Variants in TASP1 observed in about 807,000 individuals in gnomAD.
TASP1 encodes taspase 1, also known as threonine aspartase 1.
In TASP1, 16 loss-of-function variants were observed where a neutral mutation model predicts 56.6. That is an observed-to-expected ratio of 0.28 (90% CI 0.19 to 0.43). The LOEUF (loss-of-function observed/expected upper bound fraction) is 0.43. TASP1 is among the 20% of genes least tolerant of loss of function. TASP1 has a pLI of 1.00. For synonymous variants in TASP1, 179 were observed against 184.2 expected (o/e 0.97, Z 0.23); for missense variants, 393 against 511.6 (o/e 0.77, Z 2.24).
the TASP1 span, among the ~76,000 whole-genome samples, chr20:13,302,025 A>T: frequency 1.4e-4 from 21 of 152,334 alleles, no homozygotes; most frequent in African/African-American, 5.0e-4. Flanking sequence ...GCAAAGAAAT[A>T]GGTAAGTACT....
intron 1 of TASP1, among the ~76,000 whole-genome samples, chr20:13,635,690 C>G (rs1021845267): frequency 6.6e-6 from 1 of 152,002 alleles, no homozygotes; most frequent in African/African-American, 2.4e-5. Context: ...TCCCGGCCAA[C>G]CTTCAGCAAC....
chr20:13,619,510 T>C (rs2048638107), intron 4 of TASP1, among the ~76,000 whole-genome samples: 3 of 152,196 alleles, frequency 2.0e-5, no homozygotes, highest in Admixed American at 2.0e-4. Flanking sequence ...CTTTCTACTT[T>C]AGAAACAATC....
chr20:13,329,506 G>A, the TASP1 span, among the ~76,000 whole-genome samples: 1 of 152,104 alleles, frequency 6.6e-6, no homozygotes, highest in Admixed American at 6.5e-5. Context: ...TCAGTCTGTG[G>A]CACTTTGTTA....
chr20:13,326,849 C>G, the TASP1 span, among the ~76,000 whole-genome samples: 6 of 152,122 alleles, frequency 3.9e-5, no homozygotes, highest in African/African-American at 1.4e-4. Context: ...AACCCACAGC[C>G]AATATCATAC....
At chr20:13,230,070 T>A in the TASP1 span, among the ~76,000 whole-genome samples, 1 of 152,212 alleles carries the variant, frequency 6.6e-6, no homozygotes, top group Non-Finnish European at 1.5e-5. Flanking sequence ...CTACTCATAG[T>A]TTAAAAGGCA....
At chr20:13,551,278 A>T (rs2045974244) in intron 8 of TASP1, among the ~76,000 whole-genome samples, 1 of 152,202 alleles carries the variant, frequency 6.6e-6, no homozygotes, top group Non-Finnish European at 1.5e-5. Context: ...ATGTCTGATT[A>T]ACTTTCATTT....
At chr20:13,473,934 T>G (rs370304205) in intron 11 of TASP1, among the ~76,000 whole-genome samples, 4 of 152,092 alleles carry the variant, frequency 2.6e-5, no homozygotes, top group African/African-American at 9.6e-5. Context: ...TTTAGCTGGA[T>G]GTGGTGGTAA....
intron 12 of TASP1, among the ~76,000 whole-genome samples, chr20:13,417,894 A>C (rs952936716): frequency 6.6e-6 from 1 of 152,190 alleles, no homozygotes; most frequent in African/African-American, 2.4e-5. Context: ...ACACACACAC[A>C]TACACACACA....
the TASP1 span, among the ~76,000 whole-genome samples, chr20:13,279,189 C>A: frequency 0.21 from 32,618 of 152,010 alleles, 3,608 homozygotes; most frequent in African/African-American, 0.27. Context: ...AGTTTGTGTT[C>A]ATAAATGTTA....
intron 10 of TASP1, among the ~76,000 whole-genome samples, chr20:13,523,335 T>C (rs1159698223): frequency 6.6e-6 from 1 of 152,120 alleles, no homozygotes; most frequent in Admixed American, 6.5e-5. Context: ...GCCTTCCACA[T>C]ACCCTTAAAG....
At chr20:13,318,158 A>AATAAATAAATAAATAAATAAATAC in the TASP1 span, among the ~76,000 whole-genome samples, 3 of 151,818 alleles carry the variant, frequency 2.0e-5, no homozygotes, top group South Asian at 6.2e-4. Context: ...TAAATAAATA[A>AATAAATAAATAAATAAATAAATAC]ATAAAAATGA....
intron 11 of TASP1, among the ~76,000 whole-genome samples, chr20:13,437,109 A>G (rs2043032078): frequency 6.6e-6 from 1 of 152,162 alleles, no homozygotes; most frequent in South Asian, 2.1e-4. Flanking sequence ...AAAATCCTCA[A>G]TAAAATACTG....
the TASP1 span, among the ~76,000 whole-genome samples, chr20:13,105,345 C>T: frequency 6.6e-6 from 1 of 152,102 alleles, no homozygotes; most frequent in Non-Finnish European, 1.5e-5. Context: ...TGAACTCCAC[C>T]AAAAGCCACT....
intron 9 of TASP1, among the ~76,000 whole-genome samples, chr20:13,532,552 G>A (rs1466794529): frequency 6.6e-6 from 1 of 152,162 alleles, no homozygotes; most frequent in Non-Finnish European, 1.5e-5. Flanking sequence ...CTCAGAAGCT[G>A]TGTATTCACA....
At chr20:13,140,484 A>G in the TASP1 span, among the ~76,000 whole-genome samples, 1 of 152,212 alleles carries the variant, frequency 6.6e-6, no homozygotes, top group Non-Finnish European at 1.5e-5. Context: ...AAATAAAACT[A>G]GAGACTTCCT....
At chr20:13,546,395 A>C (rs533029168) in intron 8 of TASP1, among the ~76,000 whole-genome samples, 1 of 152,114 alleles carries the variant, frequency 6.6e-6, no homozygotes, top group African/African-American at 2.4e-5. Context: ...AAACCTCAAC[A>C]CTTCTTCACA....
At chr20:13,543,511 G>T (rs1276561330) in intron 8 of TASP1, among the ~76,000 whole-genome samples, 1 of 152,194 alleles carries the variant, frequency 6.6e-6, no homozygotes, top group Non-Finnish European at 1.5e-5. Context: ...TGAGGCAAGA[G>T]AATAGCCTGA....
chr20:13,362,976 C>A, the TASP1 span, among the ~76,000 whole-genome samples: 2 of 151,606 alleles, frequency 1.3e-5, no homozygotes, highest in African/African-American at 2.4e-5. Context: ...ACCCTAATAC[C>A]CTTGTAGATT....
At chr20:13,127,849 G>T in the TASP1 span, among the ~76,000 whole-genome samples, 1 of 152,170 alleles carries the variant, frequency 6.6e-6, no homozygotes, top group African/African-American at 2.4e-5. Context: ...TGCCTTTTCG[G>T]TGTTATGACT....
Sources: gnomAD v4.1 joint callset for allele counts (sites outside exome capture counted in the v4.1 genomes callset) on GRCh38, gnomAD v4.1.1 for gene constraint, MANE v1.5 for transcripts, NCBI Gene and HGNC (gene_info 2026-07-23, HGNC 2026-07-21) for gene names.